RPA1: variants seen among roughly 807,000 people sequenced by gnomAD.
RPA1 encodes the protein replication protein A1, also known as replication protein A 70 kDa DNA-binding subunit.
In RPA1, 49 loss-of-function variants were observed where a neutral mutation model predicts 83.0. That is an observed-to-expected ratio of 0.59 (90% CI 0.47 to 0.75). The LOEUF (loss-of-function observed/expected upper bound fraction) is 0.75. RPA1 is among the 30% of genes least tolerant of loss of function. The pLI is 0.00. For missense variants in RPA1, 693 were observed against 776.1 expected (o/e 0.89, Z 1.27); for synonymous variants, 279 against 281.8 (o/e 0.99, Z 0.10).
At chr17:1,834,928 C>A (rs552410948) in intron 1 of RPA1, among the ~76,000 whole-genome samples, 18 of 152,206 alleles carry the variant, frequency 1.2e-4, no homozygotes, top group Admixed American at 1.1e-3. Flanking sequence ...GAAGCACAAT[C>A]TCAGCTCACT....
chr17:1,837,575 G>C (rs1030125324), intron 1 of RPA1, among the ~76,000 whole-genome samples: 3 of 152,180 alleles, frequency 2.0e-5, no homozygotes, highest in Admixed American at 2.0e-4. Context: ...AATTCTAGTT[G>C]CTCCATATCC....
intron 5 of RPA1, among the ~76,000 whole-genome samples, chr17:1,864,978 A>G (rs368647449): frequency 1.3e-5 from 2 of 152,142 alleles, no homozygotes; most frequent in African/African-American, 4.8e-5. Flanking sequence ...GTGGGAAGTA[A>G]TTCTTGCATC....
intron 5 of RPA1, among the ~76,000 whole-genome samples, chr17:1,871,157 G>A (rs1197302827): frequency 6.6e-6 from 1 of 152,144 alleles, no homozygotes; most frequent in Non-Finnish European, 1.5e-5. Flanking sequence ...TAATGGAAAA[G>A]CCAAAATGTA....
intron 4 of RPA1, among the ~76,000 whole-genome samples, chr17:1,846,438 C>T (rs1175414735): frequency 6.6e-6 from 1 of 151,546 alleles, no homozygotes; most frequent in Non-Finnish European, 1.5e-5. Flanking sequence ...CCACCTCAGC[C>T]TCCCGAGTAG....
At chr17:1,859,308 TAGGTCG>T (rs1306702458) in intron 5 of RPA1, among the ~76,000 whole-genome samples, 1 of 152,200 alleles carries the variant, frequency 6.6e-6, no homozygotes, top group Non-Finnish European at 1.5e-5. Context: ...AAATGTCAAT[TAGGTCG>T]AGTCGGTAAA....
intron 5 of RPA1, 132 bp from the exon 6 acceptor site, chr17:1,872,302 C>T (rs950663981): frequency 2.1e-5 from 29 of 1,368,996 alleles, no homozygotes; most frequent in Admixed American, 1.4e-4. Flanking sequence ...TGCCTCAGCA[C>T]GAATTCTAAT....
At chr17:1,877,474 A>G (rs968143255) in intron 8 of RPA1, among the ~76,000 whole-genome samples, 160 bp downstream of exon 8, 1 of 151,398 alleles carries the variant, frequency 6.6e-6, no homozygotes, top group Non-Finnish European at 1.5e-5. Context: ...CTGCGGGCCT[A>G]TGAGGTGAAG....
chr17:1,864,181 A>G (rs1913091484), intron 5 of RPA1, among the ~76,000 whole-genome samples: 1 of 152,228 alleles, frequency 6.6e-6, no homozygotes, highest in East Asian at 1.9e-4. Context: ...TGCTGCTCCC[A>G]ATAGACAAAG....
At chr17:1,893,460 TTTG>T (rs2151292764) in intron 15 of RPA1, among the ~76,000 whole-genome samples, 1 of 151,780 alleles carries the variant, frequency 6.6e-6, no homozygotes, top group East Asian at 1.9e-4. Context: ...GGGTTTGGGT[TTTG>T]ATCAAGTAAC....
In RPA1 at chr17:1,897,553, C is replaced by T. The variant is rs1356437034; in HGVS notation, c.*378C>T. 2.9e-5 allele frequency: 3 copies of T among 104,472 alleles called. No homozygotes were observed. The highest frequency in any genetic ancestry group is 2.4e-4 in the East Asian group (1 of 4,250). The allele number at this position is 104,472 out of a possible 1,614,324, so 6.5% of individuals were successfully genotyped here. A position where few individuals can be genotyped will look rare whatever the true frequency, so the allele number is the denominator to read the frequency against. On this transcript the variant is annotated 3_prime_UTR_variant, in exon 17 of 17. Transcript: ENST00000254719. ...TTTTTGCTTCTCCAGTGGTGACCACCCCCCCCCATCCCCGCTCACAACTTG... is the reference window on the plus strand; with the variant it reads ...TTTTTGCTTCTCCAGTGGTGACCACTCCCCCCCATCCCCGCTCACAACTTG...
intron 14 of RPA1, among the ~76,000 whole-genome samples, chr17:1,890,355 C>CT (rs1359167094): frequency 6.6e-6 from 1 of 151,556 alleles, no homozygotes; most frequent in East Asian, 2.0e-4. Context: ...CAGAGTCAGA[C>CT]CCTGTCTTTA....
At chr17:1,852,192 T>G (rs1049029544) in intron 4 of RPA1, among the ~76,000 whole-genome samples, 1 of 152,194 alleles carries the variant, frequency 6.6e-6, no homozygotes, top group African/African-American at 2.4e-5. Context: ...ATTTGCTTCA[T>G]TAAGCACTGA....
intron 5 of RPA1, among the ~76,000 whole-genome samples, chr17:1,864,499 A>G (rs1397079613): frequency 2.0e-5 from 3 of 152,064 alleles, no homozygotes; most frequent in East Asian, 1.9e-4. Context: ...AGATTGCACC[A>G]TTGTACTCCA....
At chr17:1,831,587 T>TG (rs765938257) in intron 1 of RPA1, among the ~76,000 whole-genome samples, 1 of 151,488 alleles carries the variant, frequency 6.6e-6, no homozygotes, top group Non-Finnish European at 1.5e-5. Context: ...CCTTCTTCCA[T>TG]GGGGCCTTTG....
intron 5 of RPA1, among the ~76,000 whole-genome samples, chr17:1,855,379 G>A (rs1912654984): frequency 6.6e-6 from 1 of 151,658 alleles, no homozygotes; most frequent in African/African-American, 2.4e-5. Flanking sequence ...AGTAGAGACA[G>A]GGTTTTGCCA....
At position 1,857,693 on chromosome 17, in the gene RPA1, G is replaced by T. The variant is rs77409124; in HGVS notation, c.361+4504G>T. On this transcript the variant is annotated intron_variant, in intron 5 of 16. Transcript: ENST00000254719. ...CCCCAGGGCAGAAGCCACAGAGCTG[G>T]CATTGTTTCCACTGTCTCAGGAAGA... 1.7e-3 allele frequency among the ~76,000 whole-genome samples: 244 copies of T among 142,842 alleles called. 1 individual carries two copies. Among genetic ancestry groups the T allele is most frequent in the Non-Finnish European group, 2.8e-3 (188 of 66,680 alleles). The allele number at this position is 142,842 out of a possible 152,430, so 93.7% of individuals were successfully genotyped here. A position where few individuals can be genotyped will look rare whatever the true frequency, so the allele number is the denominator to read the frequency against.
chr17:1,862,313 G>A (rs1913011356), intron 5 of RPA1, among the ~76,000 whole-genome samples: 1 of 151,214 alleles, frequency 6.6e-6, no homozygotes, highest in African/African-American at 2.4e-5. Context: ...AGGATTACAG[G>A]TGTGAGCCAC....
intron 1 of RPA1, among the ~76,000 whole-genome samples, chr17:1,838,690 G>C (rs12948323): frequency 0.34 from 50,986 of 151,496 alleles, 10,528 homozygotes; most frequent in Non-Finnish European, 0.48. Context: ...AAGTTTTATA[G>C]TTTTCGCTTT....
Position 1,884,077 on chromosome 17 carries a change from G to A in RPA1, c.1374+133G>A. On this transcript the variant is annotated intron_variant, in intron 13 of 16. Transcript: ENST00000254719. This position sits in a 1 kb window ranked among gnomAD's most constrained non-coding sequence, Gnocchi z 4.1. ...GGGGCTGTGACCTGAGCGTGGCATG[G>A]GGGTTGAGAATCACTGGCAGAGGGA... 3 of 1,251,296 alleles carry A rather than the reference G, an allele frequency of 2.4e-6. No individual in the cohort carries two copies. Among genetic ancestry groups the A allele is most frequent in the Non-Finnish European group, 3.3e-6 (3 of 904,046 alleles). 77.5% of individuals were successfully genotyped at this position (1,251,296 alleles called of 1,614,324 possible). A position where few individuals can be genotyped will look rare whatever the true frequency, so the allele number is the denominator to read the frequency against.
Sources: allele counts gnomAD v4.1 joint callset (sites outside exome capture counted in the v4.1 genomes callset), GRCh38; gene constraint gnomAD v4.1.1; non-coding constraint Gnocchi (gnomAD v3.1); transcripts MANE v1.5; gene names NCBI Gene and HGNC (gene_info 2026-07-23, HGNC 2026-07-21).